Variants in TTLL5 observed in about 807,000 individuals in gnomAD.
The protein encoded by TTLL5 is tubulin polyglutamylase TTLL5.
TTLL5 carries 132 observed loss-of-function variants against 168.4 expected under a neutral mutation model. The ratio of observed to expected loss-of-function variants is 0.78; its 90% CI spans 0.68 to 0.91. The LOEUF is 0.91. Among genes scored for constraint, TTLL5 ranks in the 40% least tolerant of loss-of-function variants. The pLI is 0.00. For missense variants in TTLL5, 1,545 were observed against 1,581.5 expected (o/e 0.98, Z 0.39); for synonymous variants, 546 against 558.6 (o/e 0.98, Z 0.32).
At position 75,763,251 on chromosome 14, in the gene TTLL5, C is replaced by CTG. The variant is rs1308717196; in HGVS notation, c.1551-1363_1551-1362insGT. On this transcript the variant is annotated intron_variant, in intron 18 of 31. Transcript: ENST00000298832. ...GCTAAAAGTTTATTTCTATAGCTCTCTCTCTGTGTGTGTGTGTGTGTGTGT... is the reference window on the plus strand; with the variant it reads ...GCTAAAAGTTTATTTCTATAGCTCTCTGTCTCTGTGTGTGTGTGTGTGTGTGT... 5.9e-4 allele frequency among the ~76,000 whole-genome samples: 20 copies of CTG among 33,924 alleles called. No individual in the cohort carries two copies. The South Asian group carries it at 0.01, about 17-fold the overall frequency. The allele number at this position is 33,924 out of a possible 152,430, so 22.3% of individuals were successfully genotyped here. A position where few individuals can be genotyped will look rare whatever the true frequency, so the allele number is the denominator to read the frequency against.
chr14:75,838,108 A>G (rs1406304161), intron 28 of TTLL5: 6 of 152,082 alleles, frequency 3.9e-5, no homozygotes, highest in East Asian at 1.9e-4. Flanking sequence ...TATTTTTCCT[A>G]TATAAAAGCA....
chr14:75,835,974 C>T (rs984015970), intron 28 of TTLL5, among the ~76,000 whole-genome samples: 21 of 152,152 alleles, frequency 1.4e-4, no homozygotes, highest in African/African-American at 5.1e-4. Flanking sequence ...CTATGGAGAA[C>T]AGTTTGGAGA....
At chr14:75,787,032 T>C (rs1054162705) in intron 26 of TTLL5, among the ~76,000 whole-genome samples, 1 of 149,904 alleles carries the variant, frequency 6.7e-6, no homozygotes, top group African/African-American at 2.5e-5. Flanking sequence ...ACTCAGGAGG[T>C]TGAGGCAAGA....
At chr14:75,708,501 AT>A in intron 9 of TTLL5, among the ~76,000 whole-genome samples, 1 of 151,754 alleles carries the variant, frequency 6.6e-6, no homozygotes, top group South Asian at 2.1e-4. Context: ...AATGTTTTGT[AT>A]TTTTAGTAGA....
Position 75,674,670 on chromosome 14 carries a change from TTAAAG to T in TTLL5, c.181+5153_181+5157del, listed in dbSNP as rs561415833. Among the ~76,000 whole-genome samples the T allele has an allele frequency of 1.5e-3, 231 of 152,324 alleles. 1 individual carries two copies. The highest frequency in any genetic ancestry group is 2.7e-3 in the Admixed American group (41 of 15,302). On this transcript the variant is annotated intron_variant, in intron 3 of 31. Coordinates refer to ENST00000298832, the MANE Select transcript of TTLL5 (RefSeq NM_015072.5). Reference sequence around the variant, plus strand: ...TAGAGACAACATAGGTATTTTCAGCTTAAAGTAAACTTCTAGAATGAAGCATTTTT... The same window carrying T: ...TAGAGACAACATAGGTATTTTCAGCTTAAACTTCTAGAATGAAGCATTTTT...
chr14:75,897,208 A>G (rs2032706821), intron 30 of TTLL5, among the ~76,000 whole-genome samples: 2 of 152,114 alleles, frequency 1.3e-5, no homozygotes, highest in African/African-American at 2.4e-5. Flanking sequence ...AGATGAGTAG[A>G]TAGATGTGAA....
intron 31 of TTLL5, among the ~76,000 whole-genome samples, chr14:75,905,008 C>T (rs1336730542): frequency 3.3e-5 from 5 of 152,190 alleles, no homozygotes; most frequent in African/African-American, 9.7e-5. Context: ...CATTTGCTTT[C>T]TGTATTACAA....
intron 5 of TTLL5, among the ~76,000 whole-genome samples, chr14:75,687,021 T>TTA (rs1885111766): frequency 6.6e-6 from 1 of 152,230 alleles, no homozygotes; most frequent in Non-Finnish European, 1.5e-5. Flanking sequence ...TTGGGTATAT[T>TTA]TATCAACAGT....
At chr14:75,716,043 A>G (rs1887435151) in intron 9 of TTLL5, among the ~76,000 whole-genome samples, 2 of 152,124 alleles carry the variant, frequency 1.3e-5, no homozygotes, top group African/African-American at 4.8e-5. Flanking sequence ...GAGGGATGTC[A>G]CCTTGAGGTA....
rs1163365849 is a variant in TTLL5 at position 75,734,053 on chromosome 14, GAGT to G, written c.1186+11_1186+13del. On this transcript the variant is annotated splice_donor_5th_base_variant and intron_variant, in intron 14 of 31. Coordinates refer to ENST00000298832, the MANE Select transcript of TTLL5 (RefSeq NM_015072.5). ...TTCAGATATGTTCACTGTTGTAGGT[GAGT>G]AGTAGTATTTTCTGAACTGGACTCA... 2 of 1,613,716 alleles carry G rather than the reference GAGT, an allele frequency of 1.2e-6. No homozygotes were observed. The highest frequency in any genetic ancestry group is 2.2e-5 in the East Asian group (1 of 44,876).
intron 17 of TTLL5, among the ~76,000 whole-genome samples, chr14:75,747,197 A>G (rs1395633638): frequency 6.6e-6 from 1 of 151,752 alleles, no homozygotes; most frequent in Non-Finnish European, 1.5e-5. Context: ...TTTTGTCTGC[A>G]GTGCCTAGTC....
chr14:75,924,084 G>A lies in TTLL5; in HGVS notation c.3823+21860G>A, dbSNP rs187671087. The stretch of plus-strand genomic sequence containing the variant: ...CTTTCCATTTGCCTGGTAGATCTTC[G>A]TCCATCCCTTTGTTTTGAGCCTATG... On this transcript the variant is annotated intron_variant, in intron 31 of 31. Transcript: ENST00000298832. Among the ~76,000 whole-genome samples the A allele has an allele frequency of 6.2e-4, 88 of 142,284 alleles. 1 individual carries two copies. The highest frequency in any genetic ancestry group is 3.6e-4 in the Non-Finnish European group (24 of 66,220). 93.3% of individuals were successfully genotyped at this position (142,284 alleles called of 152,430 possible).
intron 28 of TTLL5, chr14:75,820,819 A>AG (rs1050229066): frequency 3.3e-5 from 5 of 153,084 alleles, no homozygotes; most frequent in Non-Finnish European, 5.9e-5. Context: ...AAAAAAAAAA[A>AG]AAAGAAATGG....
chr14:75,759,465 T>C (rs1231561165), intron 18 of TTLL5, among the ~76,000 whole-genome samples: 3 of 152,126 alleles, frequency 2.0e-5, no homozygotes, highest in Admixed American at 2.0e-4. Flanking sequence ...TGAGGAATAA[T>C]AACACCAATC....
At chr14:75,737,567 G>T (rs529038411) in intron 15 of TTLL5, 3 of 1,535,436 alleles carry the variant, frequency 2.0e-6, no homozygotes, top group Middle Eastern at 1.7e-4. Flanking sequence ...CTTTTATAGC[G>T]TCCAGTATCT....
At chr14:75,888,453 G>A (rs2032226465) in intron 30 of TTLL5, among the ~76,000 whole-genome samples, 1 of 152,178 alleles carries the variant, frequency 6.6e-6, no homozygotes, top group East Asian at 1.9e-4. Flanking sequence ...CTTCACCTGA[G>A]TATGAAAACG....
chr14:75,834,936 C>G (rs558681199), intron 28 of TTLL5, among the ~76,000 whole-genome samples: 2 of 152,172 alleles, frequency 1.3e-5, no homozygotes, highest in African/African-American at 4.8e-5. Context: ...GGCATGGTAG[C>G]ATGTGCCTGT....
intron 7 of TTLL5, among the ~76,000 whole-genome samples, chr14:75,705,084 A>G (rs964469493): frequency 5.3e-5 from 8 of 152,244 alleles, no homozygotes; most frequent in Non-Finnish European, 1.2e-4. Context: ...TAGTGATTGC[A>G]TCAATTCTCA....
intron 6 of TTLL5, among the ~76,000 whole-genome samples, chr14:75,695,420 G>A (rs942165124): frequency 2.4e-4 from 36 of 152,174 alleles, no homozygotes; most frequent in African/African-American, 7.0e-4. Flanking sequence ...GCCTGGTCCT[G>A]TGATCTCACT....
Sources: allele counts gnomAD v4.1 joint callset (sites outside exome capture counted in the v4.1 genomes callset), GRCh38; gene constraint gnomAD v4.1.1; transcripts MANE v1.5; gene names NCBI Gene and HGNC (gene_info 2026-07-23, HGNC 2026-07-21).